The following ATP2B2 variants were observed in gnomAD, a reference collection of about 807,000 sequenced individuals.
The protein encoded by ATP2B2 is plasma membrane calcium-transporting ATPase 2.
A neutral mutation model predicts 120.0 loss-of-function variants in ATP2B2; 15 were observed. The observed-to-expected ratio is 0.12, with a 90% CI of 0.08 to 0.19. The LOEUF (loss-of-function observed/expected upper bound fraction) is 0.19. ATP2B2 is among the 10% of genes least tolerant of loss of function. The probability of loss-of-function intolerance (pLI) is 1.00; values close to 1 mark genes in which losing one functional copy is unlikely to be tolerated. For missense variants in ATP2B2, 1,045 were observed against 1,719.8 expected, an observed-to-expected ratio of 0.61 and a Z score of 6.94; for synonymous variants, 694 against 700.3, an observed-to-expected ratio of 0.99 and a Z score of 0.14.
At position 10,327,271 on chromosome 3, in the gene ATP2B2, AAT is replaced by A. The variant is rs2059874158; in HGVS notation, c.*1541_*1542del. ...CACCTGTGATACTGTAGGGTTTCAG[AAT>A]GGCTTTCTGTTTGGGAAAGCAAGAC... On this transcript the variant is annotated 3_prime_UTR_variant, in exon 23 of 23. Transcript: ENST00000360273. 6.4e-6 allele frequency: 1 copy of A among 156,402 alleles called. No homozygotes were observed. The highest frequency in any genetic ancestry group is 1.4e-5 in the Non-Finnish European group (1 of 70,770). 9.7% of individuals were successfully genotyped at this position (156,402 alleles called of 1,614,324 possible).
At chr3:10,465,514 T>C (rs1191917012) in intron 1 of ATP2B2, among the ~76,000 whole-genome samples, 1 of 152,240 alleles carries the variant, frequency 6.6e-6, no homozygotes, top group Non-Finnish European at 1.5e-5. Context: ...CCAGGCCTCA[T>C]GTCATGCTGC....
rs1008000694 is a variant in ATP2B2, at chr3:10,372,785, T to C, written c.1417-734A>G. ...GAATATTCCTATACACAATATTTTC[T>C]TCTATCTGCCTTCTTTTCTCTCTGG... On this transcript the variant is annotated intron_variant, in intron 11 of 22. Coordinates refer to ENST00000360273, the MANE Select transcript of ATP2B2 (RefSeq NM_001001331.4). 2.6e-5 allele frequency among the ~76,000 whole-genome samples: 4 copies of C among 152,226 alleles called. 1 individual carries two copies. In the South Asian group the frequency reaches 8.3e-4, roughly 31 times the overall value.
intron 22 of ATP2B2, chr3:10,336,265 G>C: frequency 1.3e-6 from 2 of 1,550,624 alleles, no homozygotes; most frequent in Admixed American, 3.9e-5. Flanking sequence ...CCCCCTGAAA[G>C]GAGGCCCCGC....
At position 10,592,560 on chromosome 3, in the gene ATP2B2, AT is replaced by A. The variant is rs559744009; in HGVS notation, c.-415+27356del. Among the ~76,000 whole-genome samples the A allele has an allele frequency of 1.1e-3, 168 of 152,034 alleles. 1 individual carries two copies. The South Asian group carries it at 0.016, about 14-fold the overall frequency. On this transcript the variant is annotated intron_variant, in intron 2 of 21. Transcript: ENST00000646379. Reference sequence around the variant, plus strand: ...AACTTGAGTAATAAACCTTGCAGACATTTTTTTTCCTCCCATATCTCCAGGG... The same window carrying A: ...AACTTGAGTAATAAACCTTGCAGACATTTTTTTCCTCCCATATCTCCAGGG...
chr3:10,329,722 A>G lies in ATP2B2; in HGVS notation c.3421-597T>C, dbSNP rs2059928827. ...GGGAACATCAAACCAAAGGCAGCAA[A>G]GCAAACCAAAGCCAACCCAGGGCTT... is the stretch of plus-strand genomic sequence containing the variant. On this transcript the variant is annotated intron_variant, in intron 22 of 22. Coordinates refer to ENST00000360273, the MANE Select transcript of ATP2B2 (RefSeq NM_001001331.4). This position sits in a 1 kb window ranked among gnomAD's most constrained non-coding sequence, Gnocchi z 5.9. Among the ~76,000 whole-genome samples, 1 of 152,304 alleles carries G rather than the reference A, an allele frequency of 6.6e-6. No homozygotes were observed. The highest frequency in any genetic ancestry group is 1.9e-4 in the East Asian group (1 of 5,176).
At chr3:10,336,188 C>T (rs199608896) in intron 22 of ATP2B2, 42 of 1,550,680 alleles carry the variant, frequency 2.7e-5, no homozygotes, top group Middle Eastern at 1.7e-4. Flanking sequence ...CAACGACACG[C>T]GACTAGGGCT....
intron 2 of ATP2B2, among the ~76,000 whole-genome samples, chr3:10,543,826 C>T (rs76531913): frequency 9.2e-5 from 14 of 151,930 alleles, no homozygotes; most frequent in African/African-American, 3.4e-4. Context: ...GCAACCTCCA[C>T]CTCCTGGGTT....
At chr3:10,615,592 C>T (rs564198084) in intron 2 of ATP2B2, among the ~76,000 whole-genome samples, 3 of 152,284 alleles carry the variant, frequency 2.0e-5, no homozygotes, top group African/African-American at 7.2e-5. Context: ...GACAGAAGGA[C>T]CTTGAAGCCA....
intron 8 of ATP2B2, among the ~76,000 whole-genome samples, chr3:10,384,610 C>G (rs1438171): frequency 0.48 from 72,250 of 152,036 alleles, 18,650 homozygotes; most frequent in East Asian, 0.97. Flanking sequence ...CCCTCTCCCC[C>G]ACCCTCCACC....
At chr3:10,697,212 G>C (rs187745278) in intron 1 of ATP2B2, among the ~76,000 whole-genome samples, 1 of 152,222 alleles carries the variant, frequency 6.6e-6, no homozygotes, top group East Asian at 1.9e-4. Flanking sequence ...CTTCTTGTCA[G>C]TTTCCAGGCT....
At chr3:10,524,623 C>G (rs901344333) in intron 3 of ATP2B2, among the ~76,000 whole-genome samples, 5 of 152,188 alleles carry the variant, frequency 3.3e-5, no homozygotes, top group African/African-American at 1.2e-4. Context: ...TTCATCATCT[C>G]CCCAGCTCTC....
chr3:10,420,816 C>T (rs942060753), intron 2 of ATP2B2, among the ~76,000 whole-genome samples: 3 of 152,246 alleles, frequency 2.0e-5, no homozygotes, highest in Non-Finnish European at 4.4e-5. Flanking sequence ...CTCCAAGGCA[C>T]TAGTTCCTAA....
At chr3:10,330,601 G>A (rs1414581625) in intron 22 of ATP2B2, among the ~76,000 whole-genome samples, 1 of 152,232 alleles carries the variant, frequency 6.6e-6, no homozygotes, top group Non-Finnish European at 1.5e-5. Context: ...CAGGCCAAGT[G>A]GCACCCACCT....
intron 2 of ATP2B2, among the ~76,000 whole-genome samples, chr3:10,618,083 C>T (rs930273): frequency 0.74 from 113,084 of 152,180 alleles, 43,477 homozygotes; most frequent in Middle Eastern, 0.87. Context: ...GGAAGTGAAA[C>T]TATGAATACA....
intron 3 of ATP2B2, among the ~76,000 whole-genome samples, chr3:10,523,492 G>A (rs1346116179): frequency 6.6e-6 from 1 of 152,174 alleles, no homozygotes; most frequent in Non-Finnish European, 1.5e-5. Context: ...CGGAATCCTG[G>A]TGCCCAGCCT....
At position 10,579,845 on chromosome 3, in the gene ATP2B2, C is replaced by CAAAACAAAACAAAACAAAACA. The variant is rs137955154; in HGVS notation, c.-415+40071_-415+40072insTGTTTTGTTTTGTTTTGTTTT. 1.3e-4 allele frequency among the ~76,000 whole-genome samples: 19 copies of CAAAACAAAACAAAACAAAACA among 150,610 alleles called. No individual in the cohort carries two copies. The South Asian group carries it at 1.7e-3, about 13-fold the overall frequency. On this transcript the variant is annotated intron_variant, in intron 2 of 21. Transcript: ENST00000646379. Reference sequence around the variant, plus strand: ...CAAAACAAAACAAAACAAAACAAAACAAAGAAACAGACCCAGAAGGTGGGC... The same window carrying CAAAACAAAACAAAACAAAACA: ...CAAAACAAAACAAAACAAAACAAAACAAAACAAAACAAAACAAAACAAAAGAAACAGACCCAGAAGGTGGGC...
At chr3:10,400,132 GTC>G (rs2124959050) in intron 5 of ATP2B2, among the ~76,000 whole-genome samples, 1 of 152,344 alleles carries the variant, frequency 6.6e-6, no homozygotes, top group East Asian at 1.9e-4. Flanking sequence ...CCTGGCTAGT[GTC>G]TCACCCCTGC....
intron 1 of ATP2B2, among the ~76,000 whole-genome samples, chr3:10,673,944 T>C (rs2071182862): frequency 6.6e-6 from 1 of 151,710 alleles, no homozygotes; most frequent in Non-Finnish European, 1.5e-5. Context: ...GTCAGAAGCA[T>C]TTTTCCTGCT....
chr3:10,646,606 C>A (rs1349418659), intron 1 of ATP2B2, among the ~76,000 whole-genome samples: 1 of 152,140 alleles, frequency 6.6e-6, no homozygotes, highest in Non-Finnish European at 1.5e-5. Flanking sequence ...CTCTTTACCC[C>A]CAAAGCCCCT....
Sources: gnomAD v4.1 joint callset for allele counts (sites outside exome capture counted in the v4.1 genomes callset) on GRCh38, gnomAD v4.1.1 for gene constraint, Gnocchi (gnomAD v3.1) non-coding constraint, MANE v1.5 for transcripts, NCBI Gene and HGNC (gene_info 2026-07-23, HGNC 2026-07-21) for gene names.